TRIM33: variants seen among roughly 807,000 people sequenced by gnomAD.
TRIM33 encodes tripartite motif containing 33.
A neutral mutation model predicts 125.4 loss-of-function variants in TRIM33; 20 were observed. That is an observed-to-expected ratio of 0.16 (90% CI 0.11 to 0.23). The LOEUF (loss-of-function observed/expected upper bound fraction) is 0.23. TRIM33 is among the 10% of genes least tolerant of loss of function. The probability of loss-of-function intolerance (pLI) is 1.00; values close to 1 mark genes in which losing one functional copy is unlikely to be tolerated. For synonymous variants in TRIM33, 564 were observed against 513.9 expected, an observed-to-expected ratio of 1.10 and a Z score of -1.32; for missense variants, 920 against 1,411.4, an observed-to-expected ratio of 0.65 and a Z score of 5.58.
chr1:114,420,334 A>T (rs1653199436), intron 11 of TRIM33: 1 of 1,164,268 alleles, frequency 8.6e-7, no homozygotes, highest in Non-Finnish European at 1.2e-6. Flanking sequence ...TCTCAGCCCA[A>T]CTGACTACCC....
Position 114,410,316 on chromosome 1 carries a change from A to G in TRIM33, c.2062T>C (p.Leu688=). 1 of 1,605,510 alleles carries G rather than the reference A, an allele frequency of 6.2e-7. No homozygotes were observed. Among genetic ancestry groups the G allele is most frequent in the African/African-American group, 1.3e-5 (1 of 74,368 alleles). Residue 688 remains leucine, a splice_region_variant and synonymous_variant, in exon 12 of 20, where the codon TTG becomes CTG. Transcript: ENST00000358465. ...AAACTACTTGAGCCAGCATCTTCCA[A>G]CTGAAGAGAAAGAAGATAAAGACAA... is the stretch of plus-strand genomic sequence containing the variant. ...PSLPDIPPIQ[L]EDAGSSSLDN... is the part of the protein sequence containing the mutation.
rs773426800 is a variant in TRIM33, at chr1:114,463,288, A to G, written c.791-52T>C. On this transcript the variant is annotated intron_variant, in intron 3 of 19. Coordinates refer to ENST00000358465, the MANE Select transcript of TRIM33 (RefSeq NM_015906.4). The stretch of plus-strand genomic sequence containing the variant: ...TTAACCAAACATAAAATTTTTGTCT[A>G]GTTTTCTAAATTCCTATTGATGTTG... 13 of 1,563,388 alleles carry G rather than the reference A, an allele frequency of 8.3e-6. No individual in the cohort carries two copies. The Admixed American group carries it at 1.4e-4, about 17-fold the overall frequency.
intron 11 of TRIM33, among the ~76,000 whole-genome samples, chr1:114,411,169 T>C (rs1330925732): frequency 3.3e-5 from 5 of 152,030 alleles, no homozygotes; most frequent in African/African-American, 7.2e-5. Flanking sequence ...GCCTCCTGAA[T>C]AGCTAGGACT....
chr1:114,419,708 C>G (rs978269870), intron 11 of TRIM33, among the ~76,000 whole-genome samples: 3 of 152,138 alleles, frequency 2.0e-5, no homozygotes, highest in Non-Finnish European at 4.4e-5. Context: ...ATTTTGTTAA[C>G]AGTGCATTGT....
At chr1:114,440,481 A>G (rs936018871) in intron 4 of TRIM33, among the ~76,000 whole-genome samples, 6 of 152,200 alleles carry the variant, frequency 3.9e-5, no homozygotes, top group Non-Finnish European at 8.8e-5. Context: ...ACTCACTAAC[A>G]GAGGCAAAAT....
At chr1:114,460,584 T>C (rs1377656037) in intron 4 of TRIM33, among the ~76,000 whole-genome samples, 2 of 146,540 alleles carry the variant, frequency 1.4e-5, no homozygotes, top group African/African-American at 5.1e-5. Flanking sequence ...TTTTTTTTTT[T>C]TTTTTTTTTT....
chr1:114,444,417 T>C (rs973880818), intron 4 of TRIM33, among the ~76,000 whole-genome samples: 1 of 152,210 alleles, frequency 6.6e-6, no homozygotes, highest in Non-Finnish European at 1.5e-5. Flanking sequence ...TTGAATTCTA[T>C]CTTCAGAGGA....
intron 18 of TRIM33, among the ~76,000 whole-genome samples, chr1:114,399,228 T>C (rs1173140275): frequency 6.6e-6 from 1 of 152,062 alleles, no homozygotes; most frequent in Non-Finnish European, 1.5e-5. Flanking sequence ...TCAACTCATT[T>C]AGAAAAGGAT....
At chr1:114,436,527 G>T (rs951768225) in intron 4 of TRIM33, among the ~76,000 whole-genome samples, 2 of 151,676 alleles carry the variant, frequency 1.3e-5, no homozygotes, top group Non-Finnish European at 2.9e-5. Context: ...GTGCAGTGGC[G>T]CAATCTCAGC....
At chr1:114,453,445 C>T (rs999901295) in intron 4 of TRIM33, among the ~76,000 whole-genome samples, 5 of 151,836 alleles carry the variant, frequency 3.3e-5, no homozygotes, top group African/African-American at 4.8e-5. Context: ...TCTAAGAAAC[C>T]GCATGTACAA....
intron 1 of TRIM33, among the ~76,000 whole-genome samples, chr1:114,483,627 G>A (rs1477130963): frequency 6.6e-6 from 1 of 151,840 alleles, no homozygotes; most frequent in Non-Finnish European, 1.5e-5. Context: ...TGCCCAGGCT[G>A]GTTTCAAACT....
At chr1:114,433,760 A>G (rs1411867432) in intron 4 of TRIM33, 27 bp from the exon 5 acceptor site, 5 of 1,318,762 alleles carry the variant, frequency 3.8e-6, no homozygotes, top group South Asian at 2.5e-5. Context: ...AACTACATTT[A>G]AAACAAAACA....
At chr1:114,427,356 TAA>T in intron 7 of TRIM33, 62 bp from the exon 8 acceptor site, 1 of 893,894 alleles carries the variant, frequency 1.1e-6, no homozygotes, top group East Asian at 2.5e-5. Flanking sequence ...AATCATAAGA[TAA>T]AGACATTAAG....
intron 6 of TRIM33, among the ~76,000 whole-genome samples, chr1:114,430,544 A>G (rs573438187): frequency 1.3e-5 from 2 of 152,298 alleles, no homozygotes; most frequent in South Asian, 2.1e-4. Flanking sequence ...ACCCAGTCTT[A>G]GTAACAATTA....
Position 114,424,644 on chromosome 1 carries a change from G to A in TRIM33, c.1807C>T (p.Pro603Ser), listed in dbSNP as rs965136404. Residue 603 changes from proline (P) to serine (S), a missense_variant, in exon 10 of 20, where the codon CCC becomes TCC. Coordinates refer to ENST00000358465, the MANE Select transcript of TRIM33 (RefSeq NM_015906.4). Reference sequence around the variant, plus strand: ...GAATATTGAGGGCCGCTGTGCCTGGGTATCCCTGGTATTCTGGCAGCATTC... The same window carrying A: ...GAATATTGAGGGCCGCTGTGCCTGGATATCCCTGGTATTCTGGCAGCATTC... The part of the protein sequence containing the change: ...AQNAARIPGI[P>S]RHSGPQYSMM... 6.2e-7 allele frequency: 1 copy of A among 1,611,062 alleles called. No individual in the cohort carries two copies.
chr1:114,419,412 G>A lies in TRIM33; in HGVS notation c.2061+2024C>T, dbSNP rs569871468. 6.6e-5 allele frequency among the ~76,000 whole-genome samples: 10 copies of A among 152,112 alleles called. No individual in the cohort carries two copies. In the South Asian group the frequency reaches 1.2e-3, roughly 19 times the overall value. On this transcript the variant is annotated intron_variant, in intron 11 of 19. Transcript: ENST00000358465. The stretch of plus-strand genomic sequence containing the variant: ...GTGGTGGGCAGATAACCCGTCAGGC[G>A]GTTATACGAACCTCTCTTACTCTTA...
rs981120073 is a variant in TRIM33 at position 114,395,336 on chromosome 1, C to A, written c.*2312G>T. 1 of 202,888 alleles carries A rather than the reference C, an allele frequency of 4.9e-6. No individual in the cohort carries two copies. Among genetic ancestry groups the A allele is most frequent in the African/African-American group, 2.3e-5 (1 of 43,626 alleles). The allele number at this position is 202,888 out of a possible 1,614,324, so 12.6% of individuals were successfully genotyped here. A position where few individuals can be genotyped will look rare whatever the true frequency, so the allele number is the denominator to read the frequency against. ...TTAACCAATCTTAAAACCAAAAAAA[C>A]CTAAAAACTCTATCTAACATGTAAT... On this transcript the variant is annotated 3_prime_UTR_variant, in exon 20 of 20. Coordinates refer to ENST00000358465, the MANE Select transcript of TRIM33 (RefSeq NM_015906.4).
At chr1:114,414,027 G>GCGCACA (rs1353374378) in intron 11 of TRIM33, among the ~76,000 whole-genome samples, 10 of 130,588 alleles carry the variant, frequency 7.7e-5, no homozygotes, top group East Asian at 2.3e-4. Flanking sequence ...TAAATCACAG[G>GCGCACA]CACACACACA....
intron 1 of TRIM33, among the ~76,000 whole-genome samples, chr1:114,495,508 A>C (rs1277367032): frequency 6.6e-6 from 1 of 152,248 alleles, no homozygotes; most frequent in Non-Finnish European, 1.5e-5. Context: ...CAAATAAGAT[A>C]ACACGAAAAA....
Sources: allele counts gnomAD v4.1 joint callset (sites outside exome capture counted in the v4.1 genomes callset), GRCh38; gene constraint gnomAD v4.1.1; transcripts MANE v1.5; gene names NCBI Gene and HGNC (gene_info 2026-07-23, HGNC 2026-07-21).